Variants in CEACAM4 observed in about 807,000 individuals in gnomAD.
CEACAM4 encodes cell adhesion molecule CEACAM4.
CEACAM4 carries 30 observed loss-of-function variants against 28.7 expected under a neutral mutation model. That is an observed-to-expected ratio of 1.05 (90% confidence interval 0.78 to 1.42). The LOEUF (loss-of-function observed/expected upper bound fraction) is 1.42. CEACAM4 is among the 40% of genes most tolerant of loss of function. The pLI, the probability that CEACAM4 is intolerant of heterozygous loss-of-function variation, is 0.00. For synonymous variants in CEACAM4, 143 were observed against 126.5 expected (o/e 1.13, Z -0.87); for missense variants, 330 against 308.2 (o/e 1.07, Z -0.53).
intron 2 of CEACAM4, among the ~76,000 whole-genome samples, chr19:41,622,069 G>C (rs1354476725): frequency 6.6e-6 from 1 of 151,676 alleles, no homozygotes; most frequent in African/African-American, 2.4e-5. Flanking sequence ...TCTTCCCTCT[G>C]TTGCTTTTTT....
At position 41,622,711 on chromosome 19, in the gene CEACAM4, T is replaced by A. The variant is rs149987550; in HGVS notation, c.425-943A>T. On this transcript the variant is annotated intron_variant, in intron 2 of 6. Coordinates refer to ENST00000221954, the MANE Select transcript of CEACAM4 (RefSeq NM_001817.4). ...AATAACAACATCAAAAAAATAAGAA[T>A]ACTAGTTGATAGCATCAGTTGAGCT... is the stretch of plus-strand genomic sequence containing the variant. 7.5e-3 allele frequency among the ~76,000 whole-genome samples: 1,145 copies of A among 152,308 alleles called. 10 individuals carry two copies. Among genetic ancestry groups the A allele is most frequent in the African/African-American group, 0.026 (1,062 of 41,562 alleles).
downstream of CEACAM4, among the ~76,000 whole-genome samples, chr19:41,617,678 G>T (rs150387483): frequency 6.6e-6 from 1 of 152,288 alleles, no homozygotes. Context: ...ATGCTGTGCT[G>T]CTGGCTTTGA....
downstream of CEACAM4, among the ~76,000 whole-genome samples, chr19:41,614,749 T>C (rs2070966718): frequency 1.3e-5 from 2 of 151,974 alleles, no homozygotes; most frequent in African/African-American, 4.8e-5. Flanking sequence ...GCAAAATCTG[T>C]GATTACCACG....
At chr19:41,620,963 G>C (rs868950762) in intron 3 of CEACAM4, among the ~76,000 whole-genome samples, 5 of 152,154 alleles carry the variant, frequency 3.3e-5, no homozygotes, top group Admixed American at 6.5e-5. Context: ...AGGGAAAGCA[G>C]GGCCGGCTGT....
At chr19:41,617,050 T>C (rs1555799013), downstream of CEACAM4, among the ~76,000 whole-genome samples, 3 of 152,206 alleles carry the variant, frequency 2.0e-5, no homozygotes, top group South Asian at 2.1e-4. Flanking sequence ...TCCTCTTTCT[T>C]ACACTCTTTC....
intron 3 of CEACAM4, 60 bp downstream of exon 3, chr19:41,621,591 C>T: frequency 1.1e-6 from 1 of 914,096 alleles, no homozygotes; most frequent in Non-Finnish European, 1.8e-6. Flanking sequence ...GCGGGGTCTC[C>T]CTCCTCCCTG....
At chr19:41,620,719 G>T in intron 3 of CEACAM4, 92 bp from the exon 4 acceptor site, 1 of 1,084,458 alleles carries the variant, frequency 9.2e-7, no homozygotes, top group Non-Finnish European at 1.4e-6. Flanking sequence ...CCATTTTCAA[G>T]GACTGGAGTG....
At position 41,620,597 on chromosome 19, in the gene CEACAM4, C is replaced by T. The variant is rs1555800907; in HGVS notation, c.573G>A (p.Gln191=). The change falls in exon 4 of 7, where the codon CAG becomes CAA. Residue 191 remains glutamine (Q), a synonymous_variant. Coordinates refer to ENST00000221954, the MANE Select transcript of CEACAM4 (RefSeq NM_001817.4). Reference sequence around the variant, plus strand: ...CACCAGGGGTGGAGGCTGGGGGCGGCTGCTCCCTGAGGTCACGCTGGATGC... The same window carrying T: ...CACCAGGGGTGGAGGCTGGGGGCGGTTGCTCCCTGAGGTCACGCTGGATGC... The part of the protein sequence containing the change: ...RASIQRDLRE[Q]PPPASTPGHG... 1 of 1,612,116 alleles carries T rather than the reference C, an allele frequency of 6.2e-7. No individual in the cohort carries two copies.
At chr19:41,626,496 G>T (rs2071673442) in intron 1 of CEACAM4, among the ~76,000 whole-genome samples, 1 of 152,214 alleles carries the variant, frequency 6.6e-6, no homozygotes, top group Admixed American at 6.5e-5. Flanking sequence ...ATGAGTTCAT[G>T]AGCATTCTCA....
Position 41,621,768 on chromosome 19 carries a change from T to C in CEACAM4, c.425A>G (p.Gln142Arg), listed in dbSNP as rs782470943. Residue 142 changes from glutamine (Q) to arginine (R), a missense_variant and splice_region_variant, in exon 3 of 7, where the codon CAA (glutamine) becomes CGA (arginine). Gln to Arg is a conservative substitution (Grantham distance 43, BLOSUM62 1). Coordinates refer to ENST00000221954, the MANE Select transcript of CEACAM4 (RefSeq NM_001817.4). Reference sequence around the variant, plus strand: ...CACAGGAAGGCCTGGGACGTTGTTTTCTGCAGAAAGGGGAAGGCAAAGGGG... The same window carrying C: ...CACAGGAAGGCCTGGGACGTTGTTTCCTGCAGAAAGGGGAAGGCAAAGGGG... ...DQATGQLHVH[Q>R]NNVPGLPVGA... 2.5e-6 allele frequency: 4 copies of C among 1,594,010 alleles called. No homozygotes were observed. In the Admixed American group the frequency reaches 5.1e-5, roughly 20 times the overall value.
downstream of CEACAM4, among the ~76,000 whole-genome samples, chr19:41,618,210 G>A (rs1555799407): frequency 6.6e-6 from 1 of 152,176 alleles, no homozygotes; most frequent in African/African-American, 2.4e-5. Context: ...AGGGAGAGGA[G>A]CAGACAGGTT....
In CEACAM4 at chr19:41,625,665, G is replaced by A. The variant is rs2071594780; in HGVS notation, c.360C>T (p.Tyr120=). ...QNITLEDAGS[Y]TLRTINASYD... ...AACTGGCATTTATGGTTCGTAGGGT[G>A]TAGGATCCTGCGTCCTCCAGGGTGA... The change falls in exon 2 of 7, where the codon TAC becomes TAT. Residue 120 remains tyrosine, a synonymous_variant. Coordinates refer to ENST00000221954, the MANE Select transcript of CEACAM4 (RefSeq NM_001817.4). The A allele has an allele frequency of 6.2e-7, 1 of 1,611,944 alleles. No individual in the cohort carries two copies. Among genetic ancestry groups the A allele is most frequent in the Admixed American group, 1.7e-5 (1 of 59,938 alleles).
chr19:41,616,487 TGATAGATAGATAGATA>T (rs35437530), downstream of CEACAM4, among the ~76,000 whole-genome samples: 14,604 of 146,488 alleles, frequency 0.1, 794 homozygotes, highest in Admixed American at 0.14. Context: ...TATAGATAGA[TGATAGATAGATAGATA>T]GATAGATAGA....
intron 4 of CEACAM4, 54 bp from the exon 5 acceptor site, chr19:41,620,296 C>G: frequency 7.2e-7 from 1 of 1,396,096 alleles, no homozygotes; most frequent in South Asian, 1.6e-5. Context: ...CTGGGCCCCT[C>G]CTGCAGGAGA....
downstream of CEACAM4, among the ~76,000 whole-genome samples, chr19:41,617,308 A>C (rs958977216): frequency 1.3e-5 from 2 of 152,200 alleles, no homozygotes; most frequent in Non-Finnish European, 2.9e-5. Context: ...TCCCTCTCTC[A>C]GGATCTGGAG....
At chr19:41,623,738 A>G (rs1274463779) in intron 2 of CEACAM4, among the ~76,000 whole-genome samples, 1 of 152,004 alleles carries the variant, frequency 6.6e-6, no homozygotes, top group East Asian at 1.9e-4. Flanking sequence ...TAAAATAACG[A>G]TTTATTCCTG....
chr19:41,620,675 G>A (rs781924649), intron 3 of CEACAM4, 48 bp from the exon 4 acceptor site: 28 of 1,489,972 alleles, frequency 1.9e-5, no homozygotes, highest in East Asian at 2.3e-5. Context: ...GAAATCACAG[G>A]TTTAGGGGCA....
Position 41,619,363 on chromosome 19 carries a change from G to A in CEACAM4, c.702C>T (p.Cys234=), listed in dbSNP as rs192614863. 1.5e-4 allele frequency: 244 copies of A among 1,614,046 alleles called. 3 individuals carry two copies. In the Admixed American group the frequency reaches 4.0e-3, roughly 27 times the overall value. Residue 234 remains cysteine, a synonymous_variant, in exon 7 of 7, where the codon TGC becomes TGT. Transcript: ENST00000221954. ...ELLYSDANIY[C]QIDHKADVVS is the part of the protein sequence containing the mutation. ...CCACATCTGCTTTGTGGTCGATCTG[G>A]CAGTAAATGTTTGCATCAGAGTATA...
At chr19:41,615,521 TA>T (rs1555798722), downstream of CEACAM4, among the ~76,000 whole-genome samples, 2 of 151,958 alleles carry the variant, frequency 1.3e-5, no homozygotes, top group African/African-American at 4.8e-5. Flanking sequence ...TGGACCCAGG[TA>T]TTCAGGGACC....
Sources: gnomAD v4.1 joint callset for allele counts (sites outside exome capture counted in the v4.1 genomes callset) on GRCh38, gnomAD v4.1.1 for gene constraint, MANE v1.5 for transcripts, NCBI Gene and HGNC (gene_info 2026-07-23, HGNC 2026-07-21) for gene names.